Variants in DPP10 observed in about 807,000 individuals in gnomAD.
DPP10 encodes the protein dipeptidyl peptidase like 10.
In DPP10, 33 loss-of-function variants were observed where a neutral mutation model predicts 120.9. The ratio of observed to expected loss-of-function variants is 0.27; its 90% CI spans 0.21 to 0.37. The LOEUF (loss-of-function observed/expected upper bound fraction) is 0.37. DPP10 is among the 10% of genes least tolerant of loss of function. DPP10 has a pLI of 1.00. For missense variants in DPP10, 816 were observed against 942.8 expected, an observed-to-expected ratio of 0.87 and a Z score of 1.76; for synonymous variants, 337 against 326.1, an observed-to-expected ratio of 1.03 and a Z score of -0.36.
intron 4 of DPP10, among the ~76,000 whole-genome samples, chr2:115,518,784 A>G (rs1486764534): frequency 6.6e-6 from 1 of 152,140 alleles, no homozygotes; most frequent in Admixed American, 6.6e-5. Context: ...ATTATGTTAC[A>G]CACATTGTAT....
At chr2:115,708,828 C>A (rs923422764) in intron 7 of DPP10, among the ~76,000 whole-genome samples, 1 of 151,978 alleles carries the variant, frequency 6.6e-6, no homozygotes, top group Non-Finnish European at 1.5e-5. Flanking sequence ...TTAATAAATT[C>A]TTCTTGAAAA....
chr2:114,442,696 A>G lies in DPP10; in HGVS notation c.-83A>G, dbSNP rs1194693816. 1.3e-6 allele frequency: 2 copies of G among 1,514,104 alleles called. No homozygotes were observed. The highest frequency in any genetic ancestry group is 1.8e-6 in the Non-Finnish European group (2 of 1,097,690). The allele number at this position is 1,514,104 out of a possible 1,614,324, so 93.8% of individuals were successfully genotyped here. A position where few individuals can be genotyped will look rare whatever the true frequency, so the allele number is the denominator to read the frequency against. ...GGCAGCAGCAACAGCAGCAGCCCCT[A>G]CTGAAGTCCAATAGAGGAGACTTGA... is the stretch of plus-strand genomic sequence containing the variant. On this transcript the variant is annotated 5_prime_UTR_variant, in exon 1 of 26. Transcript: ENST00000410059.
In DPP10 at chr2:115,525,882, T is replaced by C. The variant is rs1646191115; in HGVS notation, c.367-16T>C. ...AGAAGTTTTTAAATATAACTGGTTTTTTTTTCTTTTTCTAGGTAACCTTCA... is the reference window on the plus strand; with the variant it reads ...AGAAGTTTTTAAATATAACTGGTTTCTTTTTCTTTTTCTAGGTAACCTTCA... On this transcript the variant is annotated splice_polypyrimidine_tract_variant and intron_variant, in intron 4 of 25. Transcript: ENST00000410059. 6.3e-7 allele frequency: 1 copy of C among 1,578,160 alleles called. No homozygotes were observed. The highest frequency in any genetic ancestry group is 8.6e-7 in the Non-Finnish European group (1 of 1,168,444).
chr2:115,422,161 A>C (rs1490108856), intron 3 of DPP10, among the ~76,000 whole-genome samples: 1 of 152,192 alleles, frequency 6.6e-6, no homozygotes, highest in Non-Finnish European at 1.5e-5. Flanking sequence ...GAGTTCTGTT[A>C]CTGTGAAGTG....
intron 1 of DPP10, among the ~76,000 whole-genome samples, chr2:114,520,739 T>G (rs1464501317): frequency 6.6e-6 from 1 of 152,250 alleles, no homozygotes; most frequent in Non-Finnish European, 1.5e-5. Context: ...CCTGTGAGTC[T>G]GCTTATCACA....
intron 1 of DPP10, among the ~76,000 whole-genome samples, chr2:115,198,186 C>T (rs879524159): frequency 6.6e-6 from 1 of 152,274 alleles, no homozygotes; most frequent in East Asian, 1.9e-4. Flanking sequence ...AATGATTAGG[C>T]TAAGACTTAA....
intron 1 of DPP10, among the ~76,000 whole-genome samples, chr2:114,832,157 C>A (rs1189749227): frequency 6.6e-6 from 1 of 152,034 alleles, no homozygotes; most frequent in African/African-American, 2.4e-5. Context: ...CTTTTTATTT[C>A]AAAATTAAAA....
At chr2:115,779,578 TA>T (rs1055838175) in intron 15 of DPP10, among the ~76,000 whole-genome samples, 2 of 152,088 alleles carry the variant, frequency 1.3e-5, no homozygotes, top group African/African-American at 4.8e-5. Context: ...AGCTTGGATC[TA>T]AAAGCTTTAT....
At chr2:114,880,110 G>T (rs1407481431) in intron 1 of DPP10, among the ~76,000 whole-genome samples, 1 of 152,108 alleles carries the variant, frequency 6.6e-6, no homozygotes, top group Admixed American at 6.6e-5. Flanking sequence ...ACTGAATAAG[G>T]GAAATAATTG....
intron 1 of DPP10, among the ~76,000 whole-genome samples, chr2:114,837,597 G>A (rs1687844570): frequency 6.6e-6 from 1 of 152,050 alleles, no homozygotes; most frequent in African/African-American, 2.4e-5. Context: ...AAAAAAATGT[G>A]AAGATCTTGA....
chr2:115,720,722 A>G (rs974435141), intron 7 of DPP10, among the ~76,000 whole-genome samples: 3 of 152,182 alleles, frequency 2.0e-5, no homozygotes, highest in Non-Finnish European at 4.4e-5. Flanking sequence ...ATTTATTTCC[A>G]AAACAATATT....
intron 1 of DPP10, among the ~76,000 whole-genome samples, chr2:114,742,588 A>T (rs1558692378): frequency 6.6e-6 from 1 of 152,192 alleles, no homozygotes; most frequent in Non-Finnish European, 1.5e-5. Flanking sequence ...AGCATATACT[A>T]ATATGAGCAT....
chr2:115,613,336 A>G (rs1035248391), intron 5 of DPP10, among the ~76,000 whole-genome samples: 6 of 152,220 alleles, frequency 3.9e-5, no homozygotes, highest in Non-Finnish European at 4.4e-5. Context: ...CTTGAAGGTT[A>G]ACAGTGGCAT....
intron 1 of DPP10, among the ~76,000 whole-genome samples, chr2:114,568,565 G>A (rs562430889): frequency 3.9e-5 from 6 of 152,104 alleles, no homozygotes; most frequent in African/African-American, 7.2e-5. Flanking sequence ...TCCCATTATC[G>A]CCTCAATCCC....
chr2:115,332,856 A>G (rs575630902), intron 2 of DPP10, among the ~76,000 whole-genome samples: 88 of 152,236 alleles, frequency 5.8e-4, no homozygotes, highest in Admixed American at 1.4e-3. Context: ...TATGTGGTCA[A>G]TTTTGGAATC....
chr2:115,705,074 A>T (rs1272262963), intron 7 of DPP10, among the ~76,000 whole-genome samples: 2 of 151,936 alleles, frequency 1.3e-5, no homozygotes, highest in African/African-American at 4.8e-5. Flanking sequence ...TATTACTAGG[A>T]ATTTATCTTA....
At chr2:115,128,986 G>T (rs2050209841) in intron 1 of DPP10, among the ~76,000 whole-genome samples, 1 of 152,184 alleles carries the variant, frequency 6.6e-6, no homozygotes, top group African/African-American at 2.4e-5. Flanking sequence ...CAAGGGGACA[G>T]TCATCCCAGA....
intron 17 of DPP10, among the ~76,000 whole-genome samples, chr2:115,789,229 A>C (rs1683677260): frequency 6.6e-6 from 1 of 152,220 alleles, no homozygotes; most frequent in Admixed American, 6.5e-5. Context: ...TTTAGGTGCA[A>C]AACACCTTAA....
At chr2:115,421,734 G>A (rs935816098) in intron 3 of DPP10, among the ~76,000 whole-genome samples, 1 of 151,726 alleles carries the variant, frequency 6.6e-6, no homozygotes, top group African/African-American at 2.4e-5. Context: ...AACTGGCAGT[G>A]GTGGCATGAG....
Sources: gnomAD v4.1 joint callset for allele counts (sites outside exome capture counted in the v4.1 genomes callset) on GRCh38, gnomAD v4.1.1 for gene constraint, MANE v1.5 for transcripts, NCBI Gene and HGNC (gene_info 2026-07-23, HGNC 2026-07-21) for gene names.